The following CSMD1 variants were observed in gnomAD, a reference collection of about 807,000 sequenced individuals.
CSMD1 encodes CUB and sushi domain-containing protein 1.
A neutral mutation model predicts 417.5 loss-of-function variants in CSMD1; 213 were observed. The ratio of observed to expected loss-of-function variants is 0.51; its 90% confidence interval spans 0.46 to 0.57. The LOEUF is 0.57. Among genes scored for constraint, CSMD1 ranks in the 20% least tolerant of loss-of-function variants. The probability of loss-of-function intolerance (pLI) is 0.00; values close to 1 mark genes in which losing one functional copy is unlikely to be tolerated. For synonymous variants in CSMD1, 2,862 were observed against 1,736.8 expected (o/e 1.65, Z -16.11); for missense variants, 6,923 against 4,529.7 (o/e 1.53, Z -15.17).
At chr8:3,807,954 C>T (rs117177345) in intron 5 of CSMD1, among the ~76,000 whole-genome samples, 1 of 152,248 alleles carries the variant, frequency 6.6e-6, no homozygotes, top group East Asian at 1.9e-4. Flanking sequence ...GCTTGCATAA[C>T]TTGTCAAACA....
At position 3,864,765 on chromosome 8, in the gene CSMD1, T is replaced by A. The variant is rs77212905; in HGVS notation, c.819-110723A>T. Reference sequence around the variant, plus strand: ...CTAGTAAATTAAACTATAGGCACCATCGTGGTTAACTAGATGTTATTATAG... The same window carrying A: ...CTAGTAAATTAAACTATAGGCACCAACGTGGTTAACTAGATGTTATTATAG... On this transcript the variant is annotated intron_variant, in intron 5 of 69. Transcript: ENST00000635120. Among the ~76,000 whole-genome samples the A allele has an allele frequency of 4.7e-4, 71 of 152,310 alleles. 1 individual carries two copies. In the East Asian group the frequency reaches 0.013, roughly 29 times the overall value.
rs541586593 is a variant in CSMD1, at chr8:3,240,792, C to T, written c.4154-10561G>A. ...CCACTGGGTGGATAGGCAAAACAAT[C>T]TGGTTGATAAGGCGCAGATCCTGAA... On this transcript the variant is annotated intron_variant, in intron 26 of 69. Transcript: ENST00000635120. 1.5e-3 allele frequency among the ~76,000 whole-genome samples: 225 copies of T among 152,094 alleles called. 1 individual carries two copies. Among genetic ancestry groups the T allele is most frequent in the Non-Finnish European group, 2.4e-3 (166 of 68,028 alleles).
At chr8:4,843,167 G>A (rs1487814817) in intron 1 of CSMD1, among the ~76,000 whole-genome samples, 1 of 152,072 alleles carries the variant, frequency 6.6e-6, no homozygotes, top group African/African-American at 2.4e-5. Context: ...TCTTCTTCCT[G>A]GGCAGGAACA....
At chr8:4,422,321 A>C (rs1797292674) in intron 2 of CSMD1, among the ~76,000 whole-genome samples, 1 of 152,074 alleles carries the variant, frequency 6.6e-6, no homozygotes, top group African/African-American at 2.4e-5. Context: ...TTATGGGCTG[A>C]ATTATGCTCC....
At chr8:3,476,724 C>T (rs987948418) in intron 11 of CSMD1, among the ~76,000 whole-genome samples, 3 of 151,754 alleles carry the variant, frequency 2.0e-5, no homozygotes, top group Admixed American at 6.6e-5. Context: ...TCGAGACCAG[C>T]CTGGCCAACA....
At chr8:4,436,602 A>T (rs139976577) in intron 2 of CSMD1, among the ~76,000 whole-genome samples, 333 of 152,272 alleles carry the variant, frequency 2.2e-3, no homozygotes, top group African/African-American at 7.6e-3. Context: ...CCTGCTGTGC[A>T]AGCAAATAGG....
At chr8:4,587,313 G>A (rs1215608075) in intron 2 of CSMD1, among the ~76,000 whole-genome samples, 2 of 152,054 alleles carry the variant, frequency 1.3e-5, no homozygotes, top group Non-Finnish European at 2.9e-5. Context: ...CACTTTCTCT[G>A]CAAAAATAAT....
rs548353545 is a variant in CSMD1, at chr8:4,035,576, GT to G, written c.416-3478del. Among the ~76,000 whole-genome samples the G allele has an allele frequency of 6.1e-3, 934 of 152,260 alleles. 8 individuals carry two copies. The highest frequency in any genetic ancestry group is 0.01 in the Non-Finnish European group (713 of 68,020). ...CCCGTGCAGGCCTAGGCTAGGGTGT[GT>G]GTTTGAGTCTTAATTTTTAATGAAT... On this transcript the variant is annotated intron_variant, in intron 3 of 69. Coordinates refer to ENST00000635120, the MANE Select transcript of CSMD1 (RefSeq NM_033225.6).
At chr8:3,614,037 C>T (rs1019897707) in intron 8 of CSMD1, among the ~76,000 whole-genome samples, 1 of 151,786 alleles carries the variant, frequency 6.6e-6, no homozygotes, top group Non-Finnish European at 1.5e-5. Context: ...ATCAAAAAAG[C>T]TACTATATAA....
chr8:4,720,047 T>C lies in CSMD1; in HGVS notation c.86-82489A>G, dbSNP rs186930334. On this transcript the variant is annotated intron_variant, in intron 1 of 69. Coordinates refer to ENST00000635120, the MANE Select transcript of CSMD1 (RefSeq NM_033225.6). ...CAGATCATTAAATATTTTAAAGAAA[T>C]TATTCCTGTGGTGAGGCTTTTTCTA... is the stretch of plus-strand genomic sequence containing the variant. Among the ~76,000 whole-genome samples, 133 of 152,160 alleles carry C rather than the reference T, an allele frequency of 8.7e-4. No homozygotes were observed. In the Middle Eastern group the frequency reaches 0.02, roughly 23 times the overall value.
At chr8:3,550,286 T>C (rs931780816) in intron 10 of CSMD1, among the ~76,000 whole-genome samples, 1 of 152,132 alleles carries the variant, frequency 6.6e-6, no homozygotes, top group Non-Finnish European at 1.5e-5. Flanking sequence ...TGCCCTCTCC[T>C]GTTTTCTCCA....
At chr8:4,343,239 C>T (rs1393381898) in intron 3 of CSMD1, among the ~76,000 whole-genome samples, 1 of 152,016 alleles carries the variant, frequency 6.6e-6, no homozygotes, top group Non-Finnish European at 1.5e-5. Context: ...TACAAAGACA[C>T]AGACAGGAGG....
At chr8:3,873,514 G>A (rs1333706325) in intron 5 of CSMD1, among the ~76,000 whole-genome samples, 1 of 151,878 alleles carries the variant, frequency 6.6e-6, no homozygotes, top group Non-Finnish European at 1.5e-5. Context: ...AAGAACACAG[G>A]GACACATAAA....
At chr8:4,750,290 A>T (rs1676947) in intron 1 of CSMD1, among the ~76,000 whole-genome samples, 1 of 152,032 alleles carries the variant, frequency 6.6e-6, no homozygotes, top group Non-Finnish European at 1.5e-5. Flanking sequence ...TACAGGGTGA[A>T]CCACCATGCC....
intron 7 of CSMD1, among the ~76,000 whole-genome samples, chr8:3,682,448 T>C (rs1799714501): frequency 6.6e-6 from 1 of 152,068 alleles, no homozygotes; most frequent in South Asian, 2.1e-4. Flanking sequence ...AAAATGCTCA[T>C]CATCACCGGC....
At chr8:4,314,598 C>T (rs1271583688) in intron 3 of CSMD1, among the ~76,000 whole-genome samples, 3 of 53,110 alleles carry the variant, frequency 5.6e-5, no homozygotes, top group Non-Finnish European at 1.2e-4. Flanking sequence ...GGTTGTATTA[C>T]ATTTTCACAC....
chr8:4,843,338 T>C (rs1371870941), intron 1 of CSMD1, among the ~76,000 whole-genome samples: 1 of 152,168 alleles, frequency 6.6e-6, no homozygotes, highest in Non-Finnish European at 1.5e-5. Flanking sequence ...GGCTCAAAAC[T>C]TAGTATCTTA....
chr8:3,456,318 C>CTGCACCCACTCTCT, intron 12 of CSMD1, among the ~76,000 whole-genome samples: 1 of 151,644 alleles, frequency 6.6e-6, no homozygotes, highest in Non-Finnish European at 1.5e-5. Context: ...ACCCACTGTC[C>CTGCACCCACTCTCT]GACACTCCCC....
chr8:3,127,209 C>T (rs1467886875), intron 41 of CSMD1, among the ~76,000 whole-genome samples: 1 of 152,110 alleles, frequency 6.6e-6, no homozygotes, highest in African/African-American at 2.4e-5. Context: ...TTTGGGGTCA[C>T]TGTTGGAAGC....
Sources: allele counts gnomAD v4.1 joint callset (sites outside exome capture counted in the v4.1 genomes callset), GRCh38; gene constraint gnomAD v4.1.1; transcripts MANE v1.5; gene names NCBI Gene and HGNC (gene_info 2026-07-23, HGNC 2026-07-21).